ANK1: variants seen among roughly 807,000 people sequenced by gnomAD.
ANK1 encodes the protein ankyrin 1, also known as ankyrin-1.
A neutral mutation model predicts 210.4 loss-of-function variants in ANK1; 51 were observed. The observed-to-expected ratio is 0.24, with a 90% confidence interval of 0.19 to 0.31. The LOEUF (loss-of-function observed/expected upper bound fraction) is 0.31. Among genes scored for constraint, ANK1 ranks in the 10% least tolerant of loss-of-function variants. ANK1 has a pLI of 1.00. For missense variants in ANK1, 2,051 were observed against 2,504.4 expected (o/e 0.82, Z 3.86); for synonymous variants, 967 against 1,025.9 (o/e 0.94, Z 1.10).
chr8:41,698,412 C>T (rs1410810891), intron 23 of ANK1, among the ~76,000 whole-genome samples: 4 of 151,584 alleles, frequency 2.6e-5, no homozygotes, highest in Admixed American at 2.0e-4. Flanking sequence ...TTCGATCCCA[C>T]CAAATGAGTC....
intron 1 of ANK1, among the ~76,000 whole-genome samples, chr8:41,856,528 C>T (rs550937424): frequency 2.0e-5 from 3 of 152,286 alleles, no homozygotes; most frequent in South Asian, 4.1e-4. Context: ...CTCAGTTTCT[C>T]ATCTGAAAAC....
chr8:41,872,275 A>T (rs6474367), intron 1 of ANK1, among the ~76,000 whole-genome samples: 3 of 152,098 alleles, frequency 2.0e-5, no homozygotes, highest in Admixed American at 6.5e-5. Context: ...AAGGGGACTG[A>T]GTCCCAGTGA....
intron 39 of ANK1, 127 bp downstream of exon 39, chr8:41,668,140 C>T (rs1475794613): frequency 4.4e-6 from 6 of 1,358,986 alleles, no homozygotes; most frequent in Non-Finnish European, 6.2e-6. Flanking sequence ...GGAAGCACCA[C>T]CACAAGTGTT....
chr8:41,769,550 A>G (rs762203915), intron 1 of ANK1, among the ~76,000 whole-genome samples: 1 of 152,216 alleles, frequency 6.6e-6, no homozygotes, highest in Non-Finnish European at 1.5e-5. Context: ...TAATATATAT[A>G]ATACTTTTAA....
chr8:41,695,397 T>C, intron 26 of ANK1, 66 bp from the exon 27 acceptor site: 1 of 1,606,000 alleles, frequency 6.2e-7, no homozygotes, highest in Non-Finnish European at 8.5e-7. Context: ...CAGGGAGGGA[T>C]GGGGCTGCCG....
At chr8:41,784,077 G>A (rs888462010) in intron 1 of ANK1, among the ~76,000 whole-genome samples, 1 of 150,582 alleles carries the variant, frequency 6.6e-6, no homozygotes, top group Non-Finnish European at 1.5e-5. Flanking sequence ...AAAAAAAGCT[G>A]TGAGCATTCT....
intron 1 of ANK1, among the ~76,000 whole-genome samples, chr8:41,794,635 A>G (rs767286067): frequency 6.6e-5 from 10 of 152,182 alleles, no homozygotes; most frequent in Non-Finnish European, 1.3e-4. Flanking sequence ...TCACTGCTAT[A>G]TTCCCGGTGC....
intron 1 of ANK1, among the ~76,000 whole-genome samples, chr8:41,778,202 T>G (rs1462313181): frequency 6.6e-6 from 1 of 152,168 alleles, no homozygotes; most frequent in Non-Finnish European, 1.5e-5. Context: ...TTGGGAAGAC[T>G]GCAAACTAAC....
Position 41,655,644 on chromosome 8 carries a change from G to T in ANK1, c.*146C>A. The T allele has an allele frequency of 6.5e-7, 1 of 1,530,502 alleles. No homozygotes were observed. The highest frequency in any genetic ancestry group is 9.0e-7 in the Non-Finnish European group (1 of 1,105,864). 94.8% of individuals were successfully genotyped at this position (1,530,502 alleles called of 1,614,324 possible). Reference sequence around the variant, plus strand: ...AGGAGTCCCTTACAGAGGTCATGCCGTCAGCCCAGAGGAATGTGTGCACCG... The same window carrying T: ...AGGAGTCCCTTACAGAGGTCATGCCTTCAGCCCAGAGGAATGTGTGCACCG... On this transcript the variant is annotated 3_prime_UTR_variant, in exon 43 of 43. Transcript: ENST00000289734.
At chr8:41,795,450 A>C (rs1242457409) in intron 1 of ANK1, among the ~76,000 whole-genome samples, 2 of 152,296 alleles carry the variant, frequency 1.3e-5, no homozygotes, top group South Asian at 2.1e-4. Context: ...CAGAGGTTGC[A>C]GTGAGCCAAC....
chr8:41,776,515 G>A (rs1844083033), intron 1 of ANK1, among the ~76,000 whole-genome samples: 1 of 152,196 alleles, frequency 6.6e-6, no homozygotes, highest in African/African-American at 2.4e-5. Context: ...GCTCCAGGGA[G>A]CTGGTGCTAC....
In ANK1 at chr8:41,724,543, C is replaced by A. The variant is rs532040830; in HGVS notation, c.624G>T (p.Thr208=). Residue 208 remains threonine, a synonymous_variant, in exon 7 of 43, where the codon ACG becomes ACT. Transcript: ENST00000289734. The part of the protein sequence containing the change: ...NPDVLSKTGF[T]PLHIAAHYEN... ...CGTAGTGAGCCGCAATGTGCAGGGG[C>A]GTGAATCCCGTCTGGGGCACAACAG... 33 of 1,593,700 alleles carry A rather than the reference C, an allele frequency of 2.1e-5. No individual in the cohort carries two copies. The South Asian group carries it at 2.9e-4, about 14-fold the overall frequency.
intron 1 of ANK1, among the ~76,000 whole-genome samples, chr8:41,824,670 G>C (rs1020219791): frequency 6.6e-6 from 1 of 152,160 alleles, no homozygotes; most frequent in Non-Finnish European, 1.5e-5. Context: ...GCAATCTGGG[G>C]CTCTAGGAAA....
At chr8:41,690,143 G>C (rs917145887) in intron 33 of ANK1, 84 bp downstream of exon 33, 7 of 1,594,734 alleles carry the variant, frequency 4.4e-6, no homozygotes, top group African/African-American at 2.7e-5. Flanking sequence ...AAGCCCCTTG[G>C]AAGTGCTGGA....
chr8:41,724,412 C>A (rs1830144176), intron 7 of ANK1, 44 bp downstream of exon 7: 1 of 1,502,328 alleles, frequency 6.7e-7, no homozygotes, highest in Admixed American at 2.0e-5. Flanking sequence ...CAACTGCCAG[C>A]CCCAAGCCCC....
intron 16 of ANK1, among the ~76,000 whole-genome samples, 171 bp downstream of exon 16, chr8:41,713,985 C>G (rs754550048): frequency 6.6e-6 from 1 of 152,170 alleles, no homozygotes; most frequent in Admixed American, 6.5e-5. Flanking sequence ...CCCTGAATAG[C>G]GTGATTACAG....
intron 15 of ANK1, 42 bp downstream of exon 15, chr8:41,714,934 T>G (rs1231868352): frequency 6.3e-7 from 1 of 1,594,772 alleles, no homozygotes; most frequent in African/African-American, 1.3e-5. Context: ...TGTCCTTGCC[T>G]CTAACCTGAG....
At position 41,840,222 on chromosome 8, in the gene ANK1, A is replaced by T. The variant is rs189756119; in HGVS notation, c.126+56133T>A. The T allele has an allele frequency of 1.7e-4, 26 of 152,114 alleles. 1 individual carries two copies. In the East Asian group the frequency reaches 1.9e-3, roughly 11 times the overall value. 9.4% of individuals were successfully genotyped at this position (152,114 alleles called of 1,614,324 possible). On this transcript the variant is annotated intron_variant, in intron 1 of 42. Coordinates refer to the ANK1 transcript ENST00000265709. ...GCTGGTCCCCCACTCCCGGGATGTC[A>T]CCATATTGATGCTGAACTTAGTGTG...
intron 42 of ANK1, chr8:41,660,986 C>A: frequency 3.6e-6 from 1 of 276,030 alleles, no homozygotes; most frequent in South Asian, 3.6e-5. Flanking sequence ...ATAATATTAC[C>A]ACTTAGATTT....
Sources: gnomAD v4.1 joint callset for allele counts (sites outside exome capture counted in the v4.1 genomes callset) on GRCh38, gnomAD v4.1.1 for gene constraint, MANE v1.5 for transcripts, NCBI Gene and HGNC (gene_info 2026-07-23, HGNC 2026-07-21) for gene names.